The following NKIRAS1 variants were observed in gnomAD, a reference collection of about 807,000 sequenced individuals.
NKIRAS1 encodes the protein NFKB inhibitor interacting Ras like 1, also known as NF-kappa-B inhibitor-interacting Ras-like protein 1.
NKIRAS1 carries 16 observed loss-of-function variants against 19.8 expected under a neutral mutation model. That is an observed-to-expected ratio of 0.81 (90% CI 0.55 to 1.23). NKIRAS1 has a LOEUF of 1.23. NKIRAS1 is among the 50% of genes most tolerant of loss of function. The pLI is 0.00. For synonymous variants in NKIRAS1, 88 were observed against 79.0 expected, an observed-to-expected ratio of 1.11 and a Z score of -0.61; for missense variants, 184 against 220.0, an observed-to-expected ratio of 0.84 and a Z score of 1.04.
In NKIRAS1 at chr3:23,892,260, C is replaced by T. The variant is rs572767756; in HGVS notation, c.*835G>A. 4.7e-4 allele frequency: 72 copies of T among 152,282 alleles called. No individual in the cohort carries two copies. Among genetic ancestry groups the T allele is most frequent in the African/African-American group, 1.7e-3 (69 of 41,554 alleles). 9.4% of individuals were successfully genotyped at this position (152,282 alleles called of 1,614,324 possible). A position where few individuals can be genotyped will look rare whatever the true frequency, so the allele number is the denominator to read the frequency against. On this transcript the variant is annotated 3_prime_UTR_variant, in exon 5 of 5. Transcript: ENST00000425478. ...AGAGAAACAACACAAACTCAGACAT[C>T]TAAGTCAGATCAAATTAGAGCCCAA...
At chr3:23,945,995 C>T in intron 1 of NKIRAS1, 1 of 610,240 alleles carries the variant, frequency 1.6e-6, no homozygotes, top group South Asian at 7.0e-5. Flanking sequence ...CCCTGACCCA[C>T]ATTCCCCGGG....
chr3:23,900,641 CAAA>C (rs57762803), intron 4 of NKIRAS1, among the ~76,000 whole-genome samples, 164 bp downstream of exon 4: 3 of 114,160 alleles, frequency 2.6e-5, no homozygotes, highest in African/African-American at 3.4e-5. Context: ...GACTCCGTCT[CAAA>C]AAAAAAAAAA....
At chr3:23,919,871 G>A, upstream of NKIRAS1, 1 of 1,001,450 alleles carries the variant, frequency 1.0e-6, no homozygotes, top group Non-Finnish European at 1.2e-6. Flanking sequence ...TGCTCTGCTG[G>A]TTTATTTTCA....
upstream of NKIRAS1, chr3:23,917,894 G>A: frequency 2.5e-6 from 4 of 1,612,168 alleles, no homozygotes; most frequent in Non-Finnish European, 3.4e-6. Flanking sequence ...GAGCTATGGA[G>A]AAAGAAGCAG....
chr3:23,892,948 A>G lies in NKIRAS1; in HGVS notation c.*147T>C, dbSNP rs1701583252. ...CTTAGCCCAAATACTTTTAACATCT[A>G]AAGTGCATTAATTGACTTCCTTAGG... On this transcript the variant is annotated 3_prime_UTR_variant, in exon 5 of 5. Transcript: ENST00000425478. The G allele has an allele frequency of 1.5e-6, 1 of 660,518 alleles. No individual in the cohort carries two copies. Among genetic ancestry groups the G allele is most frequent in the Non-Finnish European group, 2.4e-6 (1 of 420,310 alleles). 40.9% of individuals were successfully genotyped at this position (660,518 alleles called of 1,614,324 possible).
At chr3:23,930,303 G>T (rs565103745) in intron 1 of NKIRAS1, among the ~76,000 whole-genome samples, 1 of 152,256 alleles carries the variant, frequency 6.6e-6, no homozygotes, top group African/African-American at 2.4e-5. Flanking sequence ...AGCAGTGCAG[G>T]GGGAGGGTCC....
chr3:23,941,020 G>T, intron 1 of NKIRAS1, among the ~76,000 whole-genome samples: 1 of 152,216 alleles, frequency 6.6e-6, no homozygotes, highest in South Asian at 2.1e-4. Context: ...CACAAAAAAA[G>T]TACTTTGTGG....
intron 1 of NKIRAS1, among the ~76,000 whole-genome samples, chr3:23,932,304 T>C (rs1412199249): frequency 2.0e-5 from 3 of 152,174 alleles, no homozygotes; most frequent in Non-Finnish European, 2.9e-5. Context: ...TAAATTTCTA[T>C]ACTAAATGAT....
intron 1 of NKIRAS1, among the ~76,000 whole-genome samples, chr3:23,925,794 G>A (rs1705202670): frequency 6.6e-6 from 1 of 152,110 alleles, no homozygotes; most frequent in Non-Finnish European, 1.5e-5. Flanking sequence ...ACTTTATTAT[G>A]TGATAGCTTC....
chr3:23,925,692 A>G (rs991362625), intron 1 of NKIRAS1, among the ~76,000 whole-genome samples: 3 of 152,164 alleles, frequency 2.0e-5, no homozygotes, highest in African/African-American at 7.2e-5. Flanking sequence ...TTGTTTTACA[A>G]TTCTCCTACA....
chr3:23,905,402 A>C (rs1702921458), intron 3 of NKIRAS1, among the ~76,000 whole-genome samples: 1 of 152,230 alleles, frequency 6.6e-6, no homozygotes, highest in Non-Finnish European at 1.5e-5. Flanking sequence ...TTATTAAACC[A>C]TATATGCAAT....
rs72627067 is a variant in NKIRAS1, at chr3:23,898,473, T to C, written c.336+2335A>G. Among the ~76,000 whole-genome samples the C allele has an allele frequency of 5.8e-3, 877 of 151,664 alleles. 16 individuals carry two copies. Among genetic ancestry groups the C allele is most frequent in the East Asian group, 0.049 (253 of 5,150 alleles). On this transcript the variant is annotated intron_variant, in intron 4 of 4. Transcript: ENST00000425478. Reference sequence around the variant, plus strand: ...TTTTTTTTTTTCCGAGACAGAGTCTTGCTCTGTCACCCAGGCTGGAGTGCA... The same window carrying C: ...TTTTTTTTTTTCCGAGACAGAGTCTCGCTCTGTCACCCAGGCTGGAGTGCA...
intron 1 of NKIRAS1, among the ~76,000 whole-genome samples, chr3:23,937,858 T>C (rs1705424300): frequency 6.6e-6 from 1 of 152,186 alleles, no homozygotes; most frequent in Non-Finnish European, 1.5e-5. Flanking sequence ...TTTTTATATA[T>C]ACATTATCGT....
chr3:23,915,789 A>C (rs932968088), intron 1 of NKIRAS1, among the ~76,000 whole-genome samples: 1 of 152,112 alleles, frequency 6.6e-6, no homozygotes, highest in Non-Finnish European at 1.5e-5. Flanking sequence ...TCTTACTCCC[A>C]GACTCCTATC....
At chr3:23,894,575 C>G (rs974350051) in intron 4 of NKIRAS1, among the ~76,000 whole-genome samples, 5 of 151,954 alleles carry the variant, frequency 3.3e-5, no homozygotes, top group Non-Finnish European at 7.4e-5. Flanking sequence ...TGCAGAAACT[C>G]GTTCACTTTA....
intron 1 of NKIRAS1, among the ~76,000 whole-genome samples, chr3:23,925,637 A>AAAATAAAC (rs1705199936): frequency 6.6e-6 from 1 of 151,338 alleles, no homozygotes; most frequent in Non-Finnish European, 1.5e-5. Context: ...CTGTCTCAAA[A>AAAATAAAC]AAATAAATAA....
In NKIRAS1 at chr3:23,901,862, C is replaced by A. The variant is rs34503085; in HGVS notation, c.95-813G>T. Among the ~76,000 whole-genome samples, 862 of 152,320 alleles carry A rather than the reference C, an allele frequency of 5.7e-3. 5 individuals are homozygous for A. Among genetic ancestry groups the A allele is most frequent in the Non-Finnish European group, 9.5e-3 (649 of 68,028 alleles). On this transcript the variant is annotated intron_variant, in intron 3 of 4. Coordinates refer to ENST00000425478, the MANE Select transcript of NKIRAS1 (RefSeq NM_020345.4). ...CCTAGGTGGGCAGATCACCTGAGGT[C>A]AGGAGTTCAAGAACAGCCTGGCCAA...
upstream of NKIRAS1, chr3:23,918,279 A>G: frequency 1.1e-6 from 1 of 929,624 alleles, no homozygotes; most frequent in Admixed American, 2.9e-5. Flanking sequence ...TGAGTAGCCT[A>G]AGGTGCATTG....
upstream of NKIRAS1, chr3:23,918,498 G>A (rs753496258): frequency 4.3e-6 from 7 of 1,613,872 alleles, no homozygotes; most frequent in Admixed American, 3.3e-5. Flanking sequence ...CAGTTCCTAA[G>A]GGTGCAACTT....
Sources: gnomAD v4.1 joint callset for allele counts (sites outside exome capture counted in the v4.1 genomes callset) on GRCh38, gnomAD v4.1.1 for gene constraint, MANE v1.5 for transcripts, NCBI Gene and HGNC (gene_info 2026-07-23, HGNC 2026-07-21) for gene names.